The following ERBB4 variants were observed in gnomAD, a reference collection of about 807,000 sequenced individuals.
ERBB4 encodes erb-b2 receptor tyrosine kinase 4, also known as receptor tyrosine-protein kinase erbB-4.
ERBB4 carries 42 observed loss-of-function variants against 158.0 expected under a neutral mutation model. The ratio of observed to expected loss-of-function variants is 0.27; its 90% CI spans 0.21 to 0.34. The LOEUF is 0.34. ERBB4 is among the 10% of genes least tolerant of loss of function. The pLI is 1.00. For missense variants in ERBB4, 1,333 were observed against 1,624.1 expected (o/e 0.82, Z 3.08); for synonymous variants, 583 against 558.7 (o/e 1.04, Z -0.61).
intron 20 of ERBB4, among the ~76,000 whole-genome samples, chr2:211,540,959 T>A (rs772849342): frequency 4.6e-5 from 7 of 151,934 alleles, no homozygotes; most frequent in African/African-American, 7.2e-5. Flanking sequence ...TTTCTAAGAA[T>A]CTTTTGATGA....
chr2:211,636,461 A>C (rs1029691405), intron 16 of ERBB4, among the ~76,000 whole-genome samples: 10 of 152,042 alleles, frequency 6.6e-5, no homozygotes, highest in African/African-American at 2.2e-4. Flanking sequence ...AGTCATGTTT[A>C]CATTCATAGT....
chr2:211,761,465 T>A (rs1200343657), intron 4 of ERBB4, among the ~76,000 whole-genome samples: 1 of 149,758 alleles, frequency 6.7e-6, no homozygotes. Context: ...TTATTTTTTC[T>A]TTTTTTTTGG....
intron 1 of ERBB4, among the ~76,000 whole-genome samples, chr2:212,313,609 G>T (rs779132632): frequency 6.6e-6 from 1 of 150,730 alleles, no homozygotes; most frequent in Non-Finnish European, 1.5e-5. Context: ...TGCTATGCTC[G>T]TCTATCCCAT....
chr2:211,530,095 A>G (rs2066455207), intron 20 of ERBB4, among the ~76,000 whole-genome samples: 2 of 152,244 alleles, frequency 1.3e-5, no homozygotes, highest in African/African-American at 2.4e-5. Context: ...TACCTAGAAA[A>G]ACCTAAAGAC....
chr2:211,484,104 T>C (rs984954515), intron 20 of ERBB4, among the ~76,000 whole-genome samples: 1 of 151,974 alleles, frequency 6.6e-6, no homozygotes, highest in Non-Finnish European at 1.5e-5. Flanking sequence ...CACTTAAAGA[T>C]AGACTGATAA....
chr2:211,877,403 T>A (rs1356983635), intron 3 of ERBB4, among the ~76,000 whole-genome samples: 1 of 152,228 alleles, frequency 6.6e-6, no homozygotes, highest in Admixed American at 6.5e-5. Context: ...AGTTAATGTA[T>A]TGCCTGTTTT....
At chr2:212,310,903 ATC>A (rs1167282999) in intron 1 of ERBB4, among the ~76,000 whole-genome samples, 2 of 150,714 alleles carry the variant, frequency 1.3e-5, no homozygotes, top group African/African-American at 4.8e-5. Context: ...TATTTAATAT[ATC>A]CACATAAAAT....
At chr2:212,206,134 A>AC (rs1223776686) in intron 1 of ERBB4, among the ~76,000 whole-genome samples, 1 of 152,136 alleles carries the variant, frequency 6.6e-6, no homozygotes, top group African/African-American at 2.4e-5. Flanking sequence ...GGTTCTACTG[A>AC]CCTGTTTCAT....
Position 211,558,657 on chromosome 2 carries a change from A to G in ERBB4, c.2487+3246T>C, listed in dbSNP as rs117493903. ...TATATACAATGAGAAACAAGAATTC[A>G]GAGGCTAAACAACACAAACTCACAA... is the stretch of plus-strand genomic sequence containing the variant. On this transcript the variant is annotated intron_variant, in intron 20 of 27. Coordinates refer to ENST00000342788, the MANE Select transcript of ERBB4 (RefSeq NM_005235.3). Among the ~76,000 whole-genome samples the G allele has an allele frequency of 1.2e-3, 176 of 152,278 alleles. 3 individuals are homozygous for G. The East Asian group carries it at 0.023, about 20-fold the overall frequency.
At chr2:211,726,360 A>G (rs1174710319) in intron 5 of ERBB4, among the ~76,000 whole-genome samples, 1 of 152,168 alleles carries the variant, frequency 6.6e-6, no homozygotes, top group East Asian at 1.9e-4. Flanking sequence ...CTGTGGAGCT[A>G]CAGCATGCAT....
At chr2:212,329,645 T>C (rs1019775338) in intron 1 of ERBB4, among the ~76,000 whole-genome samples, 9 of 152,012 alleles carry the variant, frequency 5.9e-5, no homozygotes, top group Non-Finnish European at 8.8e-5. Flanking sequence ...GTAGGATATG[T>C]CTTAAAGTTT....
At chr2:212,200,138 T>C (rs1452952794) in intron 1 of ERBB4, among the ~76,000 whole-genome samples, 1 of 152,182 alleles carries the variant, frequency 6.6e-6, no homozygotes, top group Non-Finnish European at 1.5e-5. Context: ...GGTCTCCATT[T>C]AACTAAGAAC....
intron 9 of ERBB4, among the ~76,000 whole-genome samples, chr2:211,711,147 ATTTAGC>A (rs2073684025): frequency 3.9e-5 from 6 of 152,166 alleles, no homozygotes; most frequent in Non-Finnish European, 8.8e-5. Context: ...ATAAACAGAT[ATTTAGC>A]AATAATACAT....
intron 1 of ERBB4, among the ~76,000 whole-genome samples, chr2:212,150,308 T>G (rs2080826999): frequency 6.6e-6 from 1 of 152,182 alleles, no homozygotes; most frequent in Admixed American, 6.6e-5. Flanking sequence ...CATCTGCACA[T>G]GGTGTTCTCC....
At chr2:211,971,874 C>T (rs1559218156) in intron 2 of ERBB4, among the ~76,000 whole-genome samples, 1 of 152,092 alleles carries the variant, frequency 6.6e-6, no homozygotes, top group Non-Finnish European at 1.5e-5. Flanking sequence ...ACAAGGATAC[C>T]CTCTCTCACT....
chr2:211,992,696 G>A (rs891994018), intron 2 of ERBB4, among the ~76,000 whole-genome samples: 3 of 152,088 alleles, frequency 2.0e-5, no homozygotes, highest in Non-Finnish European at 2.9e-5. Context: ...CTTCAGGTGA[G>A]ACAGAAAGAA....
chr2:212,085,865 T>C (rs79427077), intron 2 of ERBB4, among the ~76,000 whole-genome samples: 22,190 of 145,654 alleles, frequency 0.15, 2,080 homozygotes, highest in Non-Finnish European at 0.21. Context: ...GTTATTAGCC[T>C]TATTGTATTG....
intron 19 of ERBB4, among the ~76,000 whole-genome samples, chr2:211,574,842 A>G (rs1260543245): frequency 6.6e-6 from 1 of 152,256 alleles, no homozygotes; most frequent in Admixed American, 6.5e-5. Flanking sequence ...GTAGTTTTCT[A>G]ATTCTTAACA....
At chr2:211,572,842 G>A (rs2067769974) in intron 19 of ERBB4, among the ~76,000 whole-genome samples, 1 of 152,134 alleles carries the variant, frequency 6.6e-6, no homozygotes, top group African/African-American at 2.4e-5. Flanking sequence ...ACAGTTACCT[G>A]TAAAATCACA....
Sources: allele counts gnomAD v4.1 joint callset (sites outside exome capture counted in the v4.1 genomes callset), GRCh38; gene constraint gnomAD v4.1.1; transcripts MANE v1.5; gene names NCBI Gene and HGNC (gene_info 2026-07-23, HGNC 2026-07-21).